The following PCDH15 variants were observed in gnomAD, a reference collection of about 807,000 sequenced individuals.
PCDH15 encodes protocadherin related 15.
PCDH15 carries 129 observed loss-of-function variants against 178.5 expected under a neutral mutation model. The observed-to-expected ratio is 0.72, with a 90% CI of 0.63 to 0.84. The LOEUF (loss-of-function observed/expected upper bound fraction) is 0.84, where lower values mean the gene tolerates loss of function less well. PCDH15 is among the 40% of genes least tolerant of loss of function. PCDH15 has a pLI of 0.00. For synonymous variants in PCDH15, 800 were observed against 732.0 expected, an observed-to-expected ratio of 1.09 and a Z score of -1.50; for missense variants, 2,230 against 2,099.9, an observed-to-expected ratio of 1.06 and a Z score of -1.21.
intron 1 of PCDH15, among the ~76,000 whole-genome samples, chr10:55,197,109 C>T (rs368977515): frequency 1.6e-4 from 24 of 151,970 alleles, no homozygotes; most frequent in African/African-American, 5.3e-4. Context: ...TCTCAGAGGC[C>T]AGATTGAAAC....
At chr10:54,234,130 T>TTGTGTGTGTGTGTGTGTG (rs1491388308) in intron 9 of PCDH15, among the ~76,000 whole-genome samples, 5 of 103,096 alleles carry the variant, frequency 4.8e-5, no homozygotes, top group African/African-American at 1.6e-4. Context: ...GGATATCCCC[T>TTGTGTGTGTGTGTGTGTG]TCTGTGTGTG....
intron 3 of PCDH15, among the ~76,000 whole-genome samples, chr10:54,423,999 C>T (rs186749580): frequency 4.6e-5 from 7 of 151,886 alleles, no homozygotes; most frequent in Admixed American, 3.3e-4. Context: ...GCAACAAAAG[C>T]CAAAATTGAC....
intron 2 of PCDH15, among the ~76,000 whole-genome samples, chr10:55,435,070 A>G (rs1261921050): frequency 6.6e-6 from 1 of 152,220 alleles, no homozygotes; most frequent in Admixed American, 6.5e-5. Context: ...TTAGTCAGGG[A>G]AAGAAGATGG....
intron 2 of PCDH15, among the ~76,000 whole-genome samples, chr10:55,355,260 A>G (rs978764080): frequency 6.6e-6 from 1 of 152,004 alleles, no homozygotes; most frequent in African/African-American, 2.4e-5. Context: ...ATTTCTCTAG[A>G]TAAAGTAAAT....
intron 25 of PCDH15, among the ~76,000 whole-genome samples, chr10:53,935,846 G>T (rs2085526490): frequency 6.6e-6 from 1 of 151,692 alleles, no homozygotes; most frequent in Non-Finnish European, 1.5e-5. Context: ...AAATATTTTG[G>T]CTAATGAATA....
At chr10:54,329,214 T>A (rs1006202826) in intron 7 of PCDH15, among the ~76,000 whole-genome samples, 2 of 146,556 alleles carry the variant, frequency 1.4e-5, no homozygotes, top group Admixed American at 6.9e-5. Flanking sequence ...ATGCAGATAT[T>A]CCACTTCCAT....
At chr10:53,906,706 T>G (rs527325287) in intron 25 of PCDH15, among the ~76,000 whole-genome samples, 2 of 152,176 alleles carry the variant, frequency 1.3e-5, no homozygotes, top group Admixed American at 1.3e-4. Flanking sequence ...CAGGAAGTTG[T>G]AGAGCCTTTA....
At chr10:53,874,237 C>T (rs1355468739) in intron 26 of PCDH15, among the ~76,000 whole-genome samples, 1 of 152,090 alleles carries the variant, frequency 6.6e-6, no homozygotes, top group Non-Finnish European at 1.5e-5. Context: ...GAAAGTGAGT[C>T]TATTAAGATT....
intron 2 of PCDH15, among the ~76,000 whole-genome samples, chr10:55,572,963 T>C (rs919247743): frequency 2.6e-5 from 4 of 152,052 alleles, no homozygotes; most frequent in African/African-American, 9.7e-5. Context: ...CACTGATCTG[T>C]TTGCAGTGAA....
chr10:54,753,181 A>G (rs1364016685), intron 1 of PCDH15, among the ~76,000 whole-genome samples: 1 of 152,008 alleles, frequency 6.6e-6, no homozygotes, highest in South Asian at 2.1e-4. Flanking sequence ...AAGAAAATAG[A>G]GACGTGATTT....
intron 29 of PCDH15, among the ~76,000 whole-genome samples, chr10:53,838,545 AAATAT>A (rs1447173539): frequency 6.6e-6 from 1 of 152,136 alleles, no homozygotes; most frequent in Non-Finnish European, 1.5e-5. Flanking sequence ...AAGTTAGCCC[AAATAT>A]AATACATATT....
intron 2 of PCDH15, among the ~76,000 whole-genome samples, chr10:54,584,217 T>C (rs2091282221): frequency 6.6e-6 from 1 of 151,986 alleles, no homozygotes; most frequent in African/African-American, 2.4e-5. Context: ...ACCCCATCTC[T>C]ATAAAAAGGA....
At chr10:55,404,838 G>C (rs1024226782) in intron 2 of PCDH15, among the ~76,000 whole-genome samples, 1 of 151,664 alleles carries the variant, frequency 6.6e-6, no homozygotes, top group Non-Finnish European at 1.5e-5. Context: ...AAAGCCTAAA[G>C]AAGTCTACAT....
chr10:55,576,036 T>A (rs1037399434), intron 2 of PCDH15, among the ~76,000 whole-genome samples: 1 of 152,150 alleles, frequency 6.6e-6, no homozygotes, highest in Non-Finnish European at 1.5e-5. Context: ...CTTAGTTTAT[T>A]TGAGTTGAAT....
intron 2 of PCDH15, among the ~76,000 whole-genome samples, chr10:55,370,532 G>C (rs1018214314): frequency 1.3e-5 from 2 of 152,018 alleles, no homozygotes; most frequent in Non-Finnish European, 2.9e-5. Context: ...GCAACCAACT[G>C]TTCTTCTGGA....
At chr10:54,742,109 AT>A (rs1944889941) in intron 1 of PCDH15, among the ~76,000 whole-genome samples, 1 of 152,056 alleles carries the variant, frequency 6.6e-6, no homozygotes, top group Admixed American at 6.6e-5. Flanking sequence ...AATATGTACC[AT>A]CACTATTTCA....
chr10:54,832,595 T>C (rs967799521), intron 3 of PCDH15, among the ~76,000 whole-genome samples: 1 of 152,176 alleles, frequency 6.6e-6, no homozygotes, highest in African/African-American at 2.4e-5. Context: ...TACATTTGTA[T>C]GGAAATAAAA....
At chr10:55,206,402 C>T (rs1185586666) in intron 1 of PCDH15, among the ~76,000 whole-genome samples, 1 of 152,100 alleles carries the variant, frequency 6.6e-6, no homozygotes, top group Non-Finnish European at 1.5e-5. Flanking sequence ...GTATGGTGCA[C>T]TCCACAGACA....
chr10:54,974,272 C>A (rs1304904053), intron 2 of PCDH15, among the ~76,000 whole-genome samples: 1 of 152,016 alleles, frequency 6.6e-6, no homozygotes, highest in African/African-American at 2.4e-5. Context: ...CTATCCTCCA[C>A]TAAGAAAACT....
Sources: gnomAD v4.1 joint callset for allele counts (sites outside exome capture counted in the v4.1 genomes callset) on GRCh38, gnomAD v4.1.1 for gene constraint, MANE v1.5 for transcripts, NCBI Gene and HGNC (gene_info 2026-07-23, HGNC 2026-07-21) for gene names.